PRDM10: variants seen among roughly 807,000 people sequenced by gnomAD.
The protein encoded by PRDM10 is PR/SET domain 10, also known as PR domain zinc finger protein 10.
PRDM10 carries 65 observed loss-of-function variants against 133.1 expected under a neutral mutation model. The ratio of observed to expected loss-of-function variants is 0.49; its 90% CI spans 0.40 to 0.60. The LOEUF (loss-of-function observed/expected upper bound fraction) is 0.60. Among genes scored for constraint, PRDM10 ranks in the 20% least tolerant of loss-of-function variants. The probability of loss-of-function intolerance (pLI) is 0.00; values close to 1 mark genes in which losing one functional copy is unlikely to be tolerated. For missense variants in PRDM10, 1,137 were observed against 1,507.1 expected (o/e 0.75, Z 4.07); for synonymous variants, 582 against 580.4 (o/e 1.00, Z -0.04).
chr11:129,971,929 G>A (rs546452467), intron 1 of PRDM10, among the ~76,000 whole-genome samples: 3 of 152,234 alleles, frequency 2.0e-5, no homozygotes, highest in African/African-American at 4.8e-5. Flanking sequence ...ACCCACGGAG[G>A]GGGTGGGAGG....
At chr11:129,985,800 AAAAAAAAAAATATAT>A (rs1484228401) in intron 1 of PRDM10, among the ~76,000 whole-genome samples, 1 of 117,782 alleles carries the variant, frequency 8.5e-6, no homozygotes, top group African/African-American at 4.3e-5. Flanking sequence ...AAAAAAAAAA[AAAAAAAAAAATATAT>A]ATATATATAT....
At chr11:129,988,232 A>G (rs1755444022) in intron 1 of PRDM10, among the ~76,000 whole-genome samples, 2 of 152,226 alleles carry the variant, frequency 1.3e-5, no homozygotes, top group Admixed American at 6.5e-5. Flanking sequence ...TAATGGTGAC[A>G]GCTAAATGGT....
intron 19 of PRDM10, among the ~76,000 whole-genome samples, chr11:129,909,750 GC>G (rs1373282408): frequency 6.6e-6 from 1 of 152,126 alleles, no homozygotes; most frequent in Non-Finnish European, 1.5e-5. Context: ...GGGTTTACCT[GC>G]CCCGACCTCT....
At chr11:129,969,211 A>C (rs1004423821) in intron 1 of PRDM10, among the ~76,000 whole-genome samples, 2 of 152,246 alleles carry the variant, frequency 1.3e-5, no homozygotes, top group African/African-American at 2.4e-5. Flanking sequence ...TAGCTATATG[A>C]TGATTTTTGC....
chr11:129,929,470 G>T (rs1393721402), intron 11 of PRDM10: 11 of 1,517,798 alleles, frequency 7.2e-6, no homozygotes, highest in African/African-American at 1.4e-5. Flanking sequence ...TTACCAATTG[G>T]ATTGGAAGAC....
intron 6 of PRDM10, among the ~76,000 whole-genome samples, 199 bp downstream of exon 6, chr11:129,944,572 A>C (rs564976704): frequency 1.3e-4 from 19 of 148,406 alleles, no homozygotes; most frequent in Admixed American, 4.7e-4. Flanking sequence ...GCGACAGAGC[A>C]AGACTCCGTC....
rs1950896789 is a variant in PRDM10 at position 129,932,321 on chromosome 11, G to A, written c.1158-90C>T. On this transcript the variant is annotated intron_variant, in intron 9 of 20. Transcript: ENST00000360871. ...CTAAATGATCCTTACTAACCCCAGA[G>A]TTTGATTCCTCTCACCTTATTACTT... 2.7e-6 allele frequency: 4 copies of A among 1,475,238 alleles called. No homozygotes were observed. The African/African-American group carries it at 4.2e-5, about 15-fold the overall frequency. The allele number at this position is 1,475,238 out of a possible 1,614,324, so 91.4% of individuals were successfully genotyped here. A position where few individuals can be genotyped will look rare whatever the true frequency, so the allele number is the denominator to read the frequency against.
At chr11:129,983,976 ATCT>A (rs1057042144) in intron 1 of PRDM10, among the ~76,000 whole-genome samples, 12 of 152,156 alleles carry the variant, frequency 7.9e-5, no homozygotes, top group African/African-American at 2.4e-4. Flanking sequence ...AGGACCACTG[ATCT>A]CAAAGCAGCA....
intron 9 of PRDM10, among the ~76,000 whole-genome samples, chr11:129,934,589 A>T (rs1489543942): frequency 6.6e-6 from 1 of 152,076 alleles, no homozygotes; most frequent in African/African-American, 2.4e-5. Context: ...ATACTCCCCG[A>T]CCAAAACCCT....
rs1949803478 is a variant in PRDM10, at chr11:129,900,070, C to G, written c.*2243G>C. ...TCTACATCCAACCTACTCCAAAATACTCACACTGGACTGAATGAAGTCTAC... is the reference window on the plus strand; with the variant it reads ...TCTACATCCAACCTACTCCAAAATAGTCACACTGGACTGAATGAAGTCTAC... On this transcript the variant is annotated 3_prime_UTR_variant, in exon 21 of 21. Coordinates refer to ENST00000360871, the MANE Select transcript of PRDM10 (RefSeq NM_199437.2). The G allele has an allele frequency of 6.6e-6, 1 of 152,620 alleles. No individual in the cohort carries two copies. Among genetic ancestry groups the G allele is most frequent in the African/African-American group, 2.4e-5 (1 of 41,446 alleles). 9.5% of individuals were successfully genotyped at this position (152,620 alleles called of 1,614,324 possible). A position where few individuals can be genotyped will look rare whatever the true frequency, so the allele number is the denominator to read the frequency against.
chr11:129,947,742 G>A lies in PRDM10; in HGVS notation c.295-372C>T. 5.0e-6 allele frequency: 2 copies of A among 400,640 alleles called. No individual in the cohort carries two copies. Among genetic ancestry groups the A allele is most frequent in the Admixed American group, 7.8e-5 (2 of 25,646 alleles). The allele number at this position is 400,640 out of a possible 1,614,324, so 24.8% of individuals were successfully genotyped here. ...ACTTAATAAAACCTGGTCTCTTCCT[G>A]GCTCATTCAGCCGTTTCACACTGCT... is the stretch of plus-strand genomic sequence containing the variant. On this transcript the variant is annotated intron_variant, in intron 4 of 20. Transcript: ENST00000360871. The surrounding 1 kb of genome is among the most constrained non-coding windows in gnomAD (Gnocchi z 4.6).
rs1951680716 is a variant in PRDM10, at chr11:129,955,559, C to T, written c.247G>A (p.Asp83Asn). ...TGGACATAAGCTACCTGGCCGGGGT[C>T]TGTAAACAGAGTCTAAACAAACAAA... is the stretch of plus-strand genomic sequence containing the variant. ...PVEAAQTLFT[D>N]PGQVAYVQQD... The change falls in exon 4 of 21, where the codon GAC becomes AAC. Residue 83 changes from aspartate (D) to asparagine (N), a missense_variant. By Grantham distance (23) the Asp-to-Asn change is conservative. Transcript: ENST00000360871. 1.2e-6 allele frequency: 2 copies of T among 1,614,040 alleles called. No homozygotes were observed. Among genetic ancestry groups the T allele is most frequent in the Non-Finnish European group, 1.7e-6 (2 of 1,179,974 alleles).
chr11:129,902,661 G>A (rs901978950), intron 20 of PRDM10, 145 bp from the exon 21 acceptor site: 1 of 1,349,868 alleles, frequency 7.4e-7, no homozygotes, highest in Non-Finnish European at 9.8e-7. Flanking sequence ...GTCCTTTAGA[G>A]AGGGTGGATC....
At chr11:129,967,235 T>A (rs893862024) in intron 1 of PRDM10, among the ~76,000 whole-genome samples, 3 of 151,650 alleles carry the variant, frequency 2.0e-5, no homozygotes, top group African/African-American at 7.3e-5. Flanking sequence ...CTAAAAAAAA[T>A]ACAAAAATTA....
intron 13 of PRDM10, among the ~76,000 whole-genome samples, chr11:129,920,530 G>A (rs1465970164): frequency 5.3e-5 from 8 of 152,000 alleles, no homozygotes; most frequent in South Asian, 2.1e-4. Context: ...GCTCTGAAAC[G>A]CTGGTAAGTC....
intron 1 of PRDM10, among the ~76,000 whole-genome samples, chr11:129,989,494 A>G (rs756343041): frequency 3.4e-4 from 51 of 152,168 alleles, no homozygotes; most frequent in African/African-American, 1.2e-3. Flanking sequence ...TTTAGCCCCA[A>G]TATCTCAAGC....
chr11:129,952,189 T>C (rs534293866), intron 4 of PRDM10, among the ~76,000 whole-genome samples: 4 of 152,264 alleles, frequency 2.6e-5, no homozygotes, highest in African/African-American at 9.6e-5. Flanking sequence ...TTTCTGGAGA[T>C]TGGAAAAGAT....
chr11:129,990,541 A>AG (rs1938677891), intron 1 of PRDM10, among the ~76,000 whole-genome samples: 1 of 151,582 alleles, frequency 6.6e-6, no homozygotes, highest in Non-Finnish European at 1.5e-5. Flanking sequence ...AAAAAAAAAA[A>AG]AAAAGCAAAT....
At chr11:129,981,166 C>T (rs569716458) in intron 1 of PRDM10, among the ~76,000 whole-genome samples, 9 of 152,004 alleles carry the variant, frequency 5.9e-5, no homozygotes, top group South Asian at 2.1e-4. Flanking sequence ...CCACTGTGCC[C>T]GGGCTATGAT....
Sources: gnomAD v4.1 joint callset for allele counts (sites outside exome capture counted in the v4.1 genomes callset) on GRCh38, gnomAD v4.1.1 for gene constraint, Gnocchi (gnomAD v3.1) non-coding constraint, MANE v1.5 for transcripts, NCBI Gene and HGNC (gene_info 2026-07-23, HGNC 2026-07-21) for gene names.